ADGRL3: variants seen among roughly 807,000 people sequenced by gnomAD.
The protein encoded by ADGRL3 is adhesion G protein-coupled receptor L3, also known as calcium-independent alpha-latrotoxin receptor 3.
A neutral mutation model predicts 153.5 loss-of-function variants in ADGRL3; 62 were observed. The observed-to-expected ratio is 0.40, with a 90% CI of 0.33 to 0.50. ADGRL3 has a LOEUF of 0.50. ADGRL3 is among the 20% of genes least tolerant of loss of function. The pLI is 0.47. For synonymous variants in ADGRL3, 710 were observed against 672.5 expected (o/e 1.06, Z -0.86); for missense variants, 1,641 against 1,859.4 (o/e 0.88, Z 2.16).
intron 2 of ADGRL3, among the ~76,000 whole-genome samples, chr4:61,412,388 A>G (rs143126165): frequency 6.2e-4 from 95 of 152,288 alleles, no homozygotes; most frequent in African/African-American, 2.3e-3. Flanking sequence ...ACACCAGGCC[A>G]GTACACTCAA....
At chr4:61,794,982 A>G (rs886543330) in intron 8 of ADGRL3, among the ~76,000 whole-genome samples, 14 of 152,364 alleles carry the variant, frequency 9.2e-5, no homozygotes, top group Admixed American at 9.1e-4. Flanking sequence ...AGCAGTTCAG[A>G]TAATTCCTAT....
At chr4:61,386,585 C>G (rs903530091) in intron 2 of ADGRL3, among the ~76,000 whole-genome samples, 1 of 152,068 alleles carries the variant, frequency 6.6e-6, no homozygotes, top group African/African-American at 2.4e-5. Flanking sequence ...TCTTTAGAAG[C>G]CTTATTGGAG....
At chr4:62,028,381 G>T (rs938042834) in intron 21 of ADGRL3, among the ~76,000 whole-genome samples, 1 of 151,612 alleles carries the variant, frequency 6.6e-6, no homozygotes, top group African/African-American at 2.4e-5. Context: ...TTTAACTCAG[G>T]TCAATCATCT....
rs11941072 is a variant in ADGRL3 at position 61,418,656 on chromosome 4, C to G, written c.-174+35467C>G. ...TGAATTAAAACAGACTATTTAAATA[C>G]AGAAGCAGCATTCTGTTCAGATAAT... On this transcript the variant is annotated intron_variant, in intron 2 of 26. Transcript: ENST00000683033. Among the ~76,000 whole-genome samples, 1,335 of 150,888 alleles carry G rather than the reference C, an allele frequency of 8.8e-3. 104 individuals are homozygous for G. The highest frequency in any genetic ancestry group is 0.031 in the African/African-American group (1,259 of 40,748).
intron 2 of ADGRL3, chr4:61,420,211 C>G (rs2097187823): frequency 6.6e-6 from 1 of 151,958 alleles, no homozygotes; most frequent in South Asian, 2.1e-4. Context: ...ATTTGTTCTC[C>G]CATGATATCT....
intron 2 of ADGRL3, among the ~76,000 whole-genome samples, chr4:61,421,286 A>ATC (rs1161354382): frequency 6.6e-6 from 1 of 152,104 alleles, no homozygotes; most frequent in Non-Finnish European, 1.5e-5. Context: ...GTGAGCCAAG[A>ATC]GCACGCCACT....
chr4:61,970,423 G>A (rs925627949), intron 17 of ADGRL3, among the ~76,000 whole-genome samples: 7 of 151,688 alleles, frequency 4.6e-5, no homozygotes, highest in African/African-American at 1.2e-4. Context: ...TCTTTCATTC[G>A]TTATGGTAGT....
At chr4:61,667,998 C>A (rs1025165913) in intron 5 of ADGRL3, among the ~76,000 whole-genome samples, 2 of 152,026 alleles carry the variant, frequency 1.3e-5, no homozygotes, top group African/African-American at 4.8e-5. Flanking sequence ...GAATAATGAC[C>A]CCCACCCCAC....
intron 9 of ADGRL3, among the ~76,000 whole-genome samples, chr4:61,870,641 T>C (rs1320009324): frequency 6.6e-6 from 1 of 152,050 alleles, no homozygotes; most frequent in Non-Finnish European, 1.5e-5. Context: ...AGTGAGCAAA[T>C]AGACATTTCA....
chr4:61,251,403 C>T (rs774399887), intron 1 of ADGRL3, among the ~76,000 whole-genome samples: 5 of 152,158 alleles, frequency 3.3e-5, no homozygotes, highest in African/African-American at 9.7e-5. Context: ...CAGGTAACCA[C>T]GAGGAAGCTG....
intron 4 of ADGRL3, among the ~76,000 whole-genome samples, chr4:61,542,141 C>G (rs2098693208): frequency 6.6e-6 from 1 of 152,076 alleles, no homozygotes. Context: ...AATCTGGATA[C>G]TCTCATAAAA....
At chr4:61,375,549 G>T (rs992246061) in intron 1 of ADGRL3, among the ~76,000 whole-genome samples, 3 of 152,076 alleles carry the variant, frequency 2.0e-5, no homozygotes, top group Non-Finnish European at 4.4e-5. Flanking sequence ...TTAGATTTTG[G>T]TATGTTTAAC....
intron 4 of ADGRL3, among the ~76,000 whole-genome samples, chr4:61,586,200 C>T (rs1317968381): frequency 6.6e-6 from 1 of 151,828 alleles, no homozygotes; most frequent in Non-Finnish European, 1.5e-5. Context: ...AAATGTATTG[C>T]CCTCTTGACT....
intron 5 of ADGRL3, among the ~76,000 whole-genome samples, chr4:61,616,409 G>A (rs1294113641): frequency 6.6e-6 from 1 of 152,000 alleles, no homozygotes; most frequent in African/African-American, 2.4e-5. Context: ...ATTACTACTG[G>A]ACATTAATTT....
chr4:61,907,491 T>G (rs2098701530), intron 11 of ADGRL3, among the ~76,000 whole-genome samples: 2 of 151,916 alleles, frequency 1.3e-5, no homozygotes, highest in South Asian at 2.1e-4. Flanking sequence ...ACTCCTGACC[T>G]CGTGACCCAC....
At chr4:61,320,577 C>T (rs1177617717) in intron 1 of ADGRL3, among the ~76,000 whole-genome samples, 3 of 152,124 alleles carry the variant, frequency 2.0e-5, no homozygotes, top group Non-Finnish European at 2.9e-5. Context: ...AATTTCTTCT[C>T]CCTTAGGAAA....
At chr4:61,721,629 A>G (rs1400222362) in intron 6 of ADGRL3, among the ~76,000 whole-genome samples, 2 of 152,210 alleles carry the variant, frequency 1.3e-5, no homozygotes, top group African/African-American at 4.8e-5. Flanking sequence ...AATACTGTAT[A>G]TTCTTAAATC....
At chr4:61,420,459 T>A (rs2097191271) in intron 2 of ADGRL3, 1 of 129,728 alleles carries the variant, frequency 7.7e-6, no homozygotes, top group Admixed American at 9.3e-5. Flanking sequence ...CAGGCTGAAG[T>A]GCAGTGGCGC....
chr4:61,763,502 G>A (rs576196159), intron 8 of ADGRL3, among the ~76,000 whole-genome samples: 2 of 152,140 alleles, frequency 1.3e-5, no homozygotes, highest in East Asian at 3.9e-4. Context: ...TGAATTGCCT[G>A]TCATATGTCA....
Sources: gnomAD v4.1 joint callset for allele counts (sites outside exome capture counted in the v4.1 genomes callset) on GRCh38, gnomAD v4.1.1 for gene constraint, MANE v1.5 for transcripts, NCBI Gene and HGNC (gene_info 2026-07-23, HGNC 2026-07-21) for gene names.